The following NLRP5 variants were observed in gnomAD, a reference collection of about 807,000 sequenced individuals.
NLRP5 encodes NACHT, LRR and PYD domains-containing protein 5.
NLRP5 carries 93 observed loss-of-function variants against 113.1 expected under a neutral mutation model. That is an observed-to-expected ratio of 0.82 (90% confidence interval 0.70 to 0.98). NLRP5 has a LOEUF of 0.98. Among genes scored for constraint, NLRP5 ranks in the 50% least tolerant of loss-of-function variants. The pLI is 0.00. For synonymous variants in NLRP5, 751 were observed against 600.7 expected, an observed-to-expected ratio of 1.25 and a Z score of -3.66; for missense variants, 1,808 against 1,514.3, an observed-to-expected ratio of 1.19 and a Z score of -3.22.
At chr19:55,995,080 A>G (rs1981282317), upstream of NLRP5, among the ~76,000 whole-genome samples, 1 of 152,074 alleles carries the variant, frequency 6.6e-6, no homozygotes, top group Non-Finnish European at 1.5e-5. Flanking sequence ...GAAGCTGGAA[A>G]CTATCATTCT....
chr19:56,036,757 G>C (rs1438748533), intron 9 of NLRP5, among the ~76,000 whole-genome samples: 1 of 152,082 alleles, frequency 6.6e-6, no homozygotes, highest in Non-Finnish European at 1.5e-5. Flanking sequence ...AGGAGATCAA[G>C]ACCAGCCTGG....
chr19:56,055,735 CG>C (rs1368655655), intron 13 of NLRP5, among the ~76,000 whole-genome samples: 6 of 151,376 alleles, frequency 4.0e-5, no homozygotes, highest in Non-Finnish European at 8.8e-5. Context: ...TTAGTAGAGA[CG>C]GGGTTTCACC....
chr19:56,010,247 C>T (rs76831444), intron 3 of NLRP5, among the ~76,000 whole-genome samples: 5,844 of 152,150 alleles, frequency 0.038, 367 homozygotes, highest in African/African-American at 0.13. Flanking sequence ...AGTCATGCAG[C>T]GAGACCCAGA....
upstream of NLRP5, among the ~76,000 whole-genome samples, chr19:55,996,964 T>A (rs1981345277): frequency 6.6e-6 from 1 of 152,086 alleles, no homozygotes; most frequent in African/African-American, 2.4e-5. Context: ...AGCGTAAAAG[T>A]GTTTCTATTT....
At chr19:56,054,246 A>G (rs1039494183) in intron 13 of NLRP5, among the ~76,000 whole-genome samples, 1 of 152,132 alleles carries the variant, frequency 6.6e-6, no homozygotes, top group African/African-American at 2.4e-5. Flanking sequence ...ATAGTGGACT[A>G]TGGTTCAGCC....
intron 6 of NLRP5, among the ~76,000 whole-genome samples, chr19:56,026,324 T>C (rs912441374): frequency 5.3e-5 from 8 of 151,654 alleles, no homozygotes; most frequent in Non-Finnish European, 1.5e-5. Context: ...GTCAGGAGAT[T>C]GAGACCATCC....
chr19:56,005,625 T>TAC (rs147776319), intron 2 of NLRP5, among the ~76,000 whole-genome samples: 1,976 of 139,158 alleles, frequency 0.014, 44 homozygotes, highest in African/African-American at 0.03. Flanking sequence ...TATATATTTA[T>TAC]ACACACACAC....
intron 14 of NLRP5, among the ~76,000 whole-genome samples, chr19:56,059,271 G>A (rs1302393329): frequency 6.6e-6 from 1 of 152,214 alleles, no homozygotes. Flanking sequence ...AGTTGATGGA[G>A]TTCACAGAAG....
chr19:55,995,014 C>T (rs1981280415), upstream of NLRP5, among the ~76,000 whole-genome samples: 1 of 152,156 alleles, frequency 6.6e-6, no homozygotes, highest in Admixed American at 6.6e-5. Context: ...TTTCCCTAAT[C>T]TTGGTGCCTT....
chr19:56,017,339 CTAA>C (rs1284296079), intron 4 of NLRP5, among the ~76,000 whole-genome samples: 4,338 of 151,970 alleles, frequency 0.029, 217 homozygotes, highest in African/African-American at 0.099. Context: ...TTGCTACTCA[CTAA>C]CCCCAAAAGG....
intron 11 of NLRP5, among the ~76,000 whole-genome samples, chr19:56,044,970 T>C (rs766560543): frequency 4.6e-5 from 7 of 152,188 alleles, no homozygotes; most frequent in Non-Finnish European, 8.8e-5. Context: ...TGTTGTGTTT[T>C]GCAGCTGTTG....
intron 13 of NLRP5, among the ~76,000 whole-genome samples, chr19:56,055,582 G>A (rs1056045113): frequency 3.6e-4 from 33 of 91,284 alleles, no homozygotes; most frequent in Admixed American, 1.6e-3. Flanking sequence ...GTCTTGCTCT[G>A]TCCCCCAGGC....
At chr19:56,038,249 G>A (rs578141446) in intron 10 of NLRP5, 54 bp downstream of exon 10, 15 of 1,541,552 alleles carry the variant, frequency 9.7e-6, no homozygotes, top group Middle Eastern at 1.7e-4. Context: ...CAGGATTATC[G>A]TAACTTCGAT....
chr19:56,032,302 G>A (rs190935503), intron 7 of NLRP5, among the ~76,000 whole-genome samples: 9 of 150,152 alleles, frequency 6.0e-5, no homozygotes, highest in East Asian at 2.0e-4. Context: ...CCGAGATTGC[G>A]CCACTGCGCT....
rs1024890254 is a variant in NLRP5 at position 56,058,300 on chromosome 19, C to T, written c.3360C>T (p.Cys1120=). 6.2e-7 allele frequency: 1 copy of T among 1,613,962 alleles called. No homozygotes were observed. Among genetic ancestry groups the T allele is most frequent in the Non-Finnish European group, 8.5e-7 (1 of 1,179,852 alleles). Residue 1120 remains cysteine, a synonymous_variant, in exon 14 of 15, where the codon TGC becomes TGT. Coordinates refer to ENST00000390649, the MANE Select transcript of NLRP5 (RefSeq NM_153447.4). ...AGGCACTCTCCTTGGCCCTTTCCTG[C>T]AACCGGCATCTGACCAGTCTAAACC...
At chr19:56,000,547 G>C (rs888428056) in intron 1 of NLRP5, among the ~76,000 whole-genome samples, 1 of 151,602 alleles carries the variant, frequency 6.6e-6, no homozygotes, top group Non-Finnish European at 1.5e-5. Flanking sequence ...TGCATTTTTA[G>C]TAGAGATGGG....
chr19:55,988,442 G>GTATATATATATATA, the NLRP5 span: 2,644 of 103,144 alleles, frequency 0.026, 39 homozygotes, highest in African/African-American at 0.036. Context: ...ATATGTGTGT[G>GTATATATATATATA]TGTATATATA....
chr19:56,021,826 A>T (rs976085210), intron 6 of NLRP5, among the ~76,000 whole-genome samples: 8 of 152,170 alleles, frequency 5.3e-5, no homozygotes, highest in African/African-American at 1.9e-4. Flanking sequence ...CTAGCATGAG[A>T]TATTGAAGAT....
chr19:56,003,369 G>T (rs554888088), intron 1 of NLRP5, among the ~76,000 whole-genome samples: 1 of 152,244 alleles, frequency 6.6e-6, no homozygotes, highest in Admixed American at 6.5e-5. Context: ...GGCCAGGCTG[G>T]TCTTGAACTC....
Sources: gnomAD v4.1 joint callset for allele counts (sites outside exome capture counted in the v4.1 genomes callset) on GRCh38, gnomAD v4.1.1 for gene constraint, MANE v1.5 for transcripts, NCBI Gene and HGNC (gene_info 2026-07-23, HGNC 2026-07-21) for gene names.